Variants in GPR39 observed in about 807,000 individuals in gnomAD.
The protein encoded by GPR39 is zinc sensing receptor.
A neutral mutation model predicts 18.4 loss-of-function variants in GPR39; 23 were observed. That is an observed-to-expected ratio of 1.25 (90% confidence interval 0.90 to 1.77). The LOEUF is 1.77. GPR39 is among the 40% of genes most tolerant of loss of function. The pLI, the probability that GPR39 is intolerant of heterozygous loss-of-function variation, is 0.00. For synonymous variants in GPR39, 280 were observed against 257.9 expected, an observed-to-expected ratio of 1.09 and a Z score of -0.82; for missense variants, 647 against 602.4, an observed-to-expected ratio of 1.07 and a Z score of -0.78.
chr2:132,609,386 A>G (rs1347008341), intron 1 of GPR39, among the ~76,000 whole-genome samples: 1 of 152,158 alleles, frequency 6.6e-6, no homozygotes, highest in Non-Finnish European at 1.5e-5. Context: ...TAAAACCTGG[A>G]GAATGGTGGT....
At chr2:132,500,266 G>A (rs4485608) in intron 1 of GPR39, among the ~76,000 whole-genome samples, 52,599 of 152,004 alleles carry the variant, frequency 0.35, 10,274 homozygotes, top group East Asian at 0.78. Context: ...CTTCTATGCC[G>A]ATTTTGCTGC....
intron 1 of GPR39, among the ~76,000 whole-genome samples, chr2:132,460,635 G>A (rs1680814119): frequency 6.6e-6 from 1 of 152,132 alleles, no homozygotes; most frequent in African/African-American, 2.4e-5. Context: ...AAAAAAGGTG[G>A]CAGAGGTTAA....
intron 1 of GPR39, among the ~76,000 whole-genome samples, chr2:132,501,315 A>T (rs780653497): frequency 6.6e-6 from 1 of 152,022 alleles, no homozygotes; most frequent in East Asian, 1.9e-4. Flanking sequence ...TTAACTTTCC[A>T]TCTTGATTTC....
At chr2:132,576,387 T>C (rs1573676953) in intron 1 of GPR39, among the ~76,000 whole-genome samples, 3 of 152,110 alleles carry the variant, frequency 2.0e-5, no homozygotes, top group Non-Finnish European at 4.4e-5. Flanking sequence ...GTGTGATGGC[T>C]CACACCTGTA....
intron 1 of GPR39, among the ~76,000 whole-genome samples, chr2:132,632,602 C>A (rs965075484): frequency 6.6e-6 from 1 of 152,164 alleles, no homozygotes; most frequent in African/African-American, 2.4e-5. Context: ...AAACTTCTGG[C>A]CCTGACACTT....
chr2:132,452,015 C>G (rs1057450015), intron 1 of GPR39, among the ~76,000 whole-genome samples: 2 of 152,064 alleles, frequency 1.3e-5, no homozygotes, highest in Non-Finnish European at 2.9e-5. Context: ...AAATATGGTT[C>G]ATTTCTTTTA....
At chr2:132,637,583 C>T (rs1294771462) in intron 1 of GPR39, among the ~76,000 whole-genome samples, 4 of 152,216 alleles carry the variant, frequency 2.6e-5, no homozygotes, top group African/African-American at 9.6e-5. Flanking sequence ...AAAGAAATTC[C>T]TCAGTAGGAA....
At chr2:132,514,419 A>G (rs148962320) in intron 1 of GPR39, among the ~76,000 whole-genome samples, 151 of 152,290 alleles carry the variant, frequency 9.9e-4, no homozygotes, top group Admixed American at 2.1e-3. Flanking sequence ...ATCTGGAGCA[A>G]GGGATGGTCT....
intron 1 of GPR39, among the ~76,000 whole-genome samples, chr2:132,556,195 C>T (rs1432084597): frequency 3.9e-5 from 6 of 152,150 alleles, no homozygotes; most frequent in Non-Finnish European, 8.8e-5. Context: ...TTAGGCATAT[C>T]ATTTTTAATT....
intron 1 of GPR39, 25 bp from the exon 2 acceptor site, chr2:132,645,076 C>G: frequency 6.3e-7 from 1 of 1,590,124 alleles, no homozygotes; most frequent in South Asian, 1.1e-5. Flanking sequence ...TTCTCTGTCT[C>G]TCCCTCCTGC....
Position 132,645,459 on chromosome 2 carries a change from T to G in GPR39, c.1215T>G (p.Thr405=), listed in dbSNP as rs1437640951. 2 of 1,613,908 alleles carry G rather than the reference T, an allele frequency of 1.2e-6. No homozygotes were observed. Among genetic ancestry groups the G allele is most frequent in the Non-Finnish European group, 1.7e-6 (2 of 1,180,038 alleles). Residue 405 remains threonine, a synonymous_variant, in exon 2 of 2, where the codon ACT becomes ACG. Coordinates refer to ENST00000329321, the MANE Select transcript of GPR39 (RefSeq NM_001508.3). ...GGCGCCAGTCCTCTGCAAGGAGAAC[T>G]GAGAAGATTTTCTTAAGCACTTTTC... is the stretch of plus-strand genomic sequence containing the variant. ...ASRRQSSARR[T]EKIFLSTFQS...
chr2:132,480,394 T>A (rs1262954948), intron 1 of GPR39, among the ~76,000 whole-genome samples: 1 of 152,086 alleles, frequency 6.6e-6, no homozygotes, highest in Non-Finnish European at 1.5e-5. Context: ...ATGGTTAAGA[T>A]GGTAAATTTT....
intron 1 of GPR39, among the ~76,000 whole-genome samples, chr2:132,450,936 T>G (rs1248798284): frequency 6.6e-6 from 1 of 152,222 alleles, no homozygotes; most frequent in Non-Finnish European, 1.5e-5. Context: ...TCTGTTTGCC[T>G]TATGTGCTTG....
chr2:132,498,918 T>C (rs1187137659), intron 1 of GPR39, among the ~76,000 whole-genome samples: 1 of 152,206 alleles, frequency 6.6e-6, no homozygotes, highest in Non-Finnish European at 1.5e-5. Flanking sequence ...GATTGTTCTT[T>C]TTTTTCTTAC....
intron 1 of GPR39, among the ~76,000 whole-genome samples, chr2:132,440,168 C>T (rs555321203): frequency 1.3e-5 from 2 of 152,276 alleles, no homozygotes; most frequent in East Asian, 1.9e-4. Flanking sequence ...GGACCCTAGC[C>T]ATCTCCAAAG....
intron 1 of GPR39, among the ~76,000 whole-genome samples, chr2:132,601,011 C>A (rs556756885): frequency 1.3e-5 from 2 of 152,282 alleles, no homozygotes; most frequent in South Asian, 4.1e-4. Flanking sequence ...TTAGCTCTTG[C>A]TTGTAAGTAA....
intron 1 of GPR39, among the ~76,000 whole-genome samples, chr2:132,479,568 GA>G (rs1317195066): frequency 2.0e-5 from 3 of 152,312 alleles, no homozygotes; most frequent in African/African-American, 7.2e-5. Context: ...TCTCAGCAGG[GA>G]AGGGGTTTGA....
intron 1 of GPR39, among the ~76,000 whole-genome samples, chr2:132,482,807 G>A (rs1156925739): frequency 1.3e-5 from 2 of 152,186 alleles, no homozygotes; most frequent in Non-Finnish European, 2.9e-5. Context: ...TTATAACAAT[G>A]TCTGTTTCTC....
intron 1 of GPR39, among the ~76,000 whole-genome samples, chr2:132,517,274 A>G (rs967220660): frequency 3.3e-5 from 5 of 152,176 alleles, no homozygotes; most frequent in South Asian, 2.1e-4. Flanking sequence ...CAGGACCCTA[A>G]TAAAAATAGT....
Sources: allele counts gnomAD v4.1 joint callset (sites outside exome capture counted in the v4.1 genomes callset), GRCh38; gene constraint gnomAD v4.1.1; transcripts MANE v1.5; gene names NCBI Gene and HGNC (gene_info 2026-07-23, HGNC 2026-07-21).